SIN3A: variants seen among roughly 807,000 people sequenced by gnomAD.
The protein encoded by SIN3A is SIN3 transcription regulator family member A, also known as paired amphipathic helix protein Sin3a.
A neutral mutation model predicts 146.1 loss-of-function variants in SIN3A; 14 were observed. That is an observed-to-expected ratio of 0.10 (90% CI 0.06 to 0.15). The LOEUF (loss-of-function observed/expected upper bound fraction) is 0.15, where lower values mean the gene tolerates loss of function less well. SIN3A is among the 10% of genes least tolerant of loss of function. SIN3A has a pLI of 1.00. For synonymous variants in SIN3A, 572 were observed against 572.0 expected (o/e 1.00, Z 0.00); for missense variants, 1,028 against 1,576.0 (o/e 0.65, Z 5.89).
chr15:75,413,143 C>CAAA, intron 4 of SIN3A, 98 bp from the exon 5 acceptor site: 30 of 1,227,480 alleles, frequency 2.4e-5, no homozygotes, highest in Non-Finnish European at 3.3e-5. Context: ...GACGGAGTCT[C>CAAA]ACTCTGTTGC....
intron 15 of SIN3A, among the ~76,000 whole-genome samples, chr15:75,391,144 A>C (rs1016985422): frequency 6.6e-6 from 1 of 152,238 alleles, no homozygotes; most frequent in Admixed American, 6.5e-5. Context: ...GGTATAGGCT[A>C]TAGACTCCAA....
chr15:75,414,354 C>G, intron 3 of SIN3A, 43 bp from the exon 4 acceptor site: 1 of 1,078,708 alleles, frequency 9.3e-7, no homozygotes, highest in Non-Finnish European at 1.3e-6. Flanking sequence ...AGAAAGTAAG[C>G]TCATAATTAC....
At chr15:75,452,525 A>G (rs751331959), upstream of SIN3A, among the ~76,000 whole-genome samples, 11 of 152,244 alleles carry the variant, frequency 7.2e-5, no homozygotes, top group Non-Finnish European at 1.6e-4. Context: ...AAACACAAAT[A>G]TCCGGAGCAG....
intron 20 of SIN3A, 45 bp downstream of exon 20, chr15:75,375,620 C>T (rs1232396225): frequency 1.3e-6 from 2 of 1,495,548 alleles, no homozygotes; most frequent in Non-Finnish European, 1.9e-6. Flanking sequence ...CTGGTCCTAG[C>T]TAGGGTGGGA....
At position 75,392,441 on chromosome 15, in the gene SIN3A, G is replaced by A. The variant is rs762700729; in HGVS notation, c.2652C>T (p.Asn884=). The A allele has an allele frequency of 5.0e-6, 8 of 1,614,054 alleles. No homozygotes were observed. The Admixed American group carries it at 1.2e-4, about 24-fold the overall frequency. ...QKLRGMDEVY[N]LFYVNNNWYI... The stretch of plus-strand genomic sequence containing the variant: ...ACCAGTTGTTGTTGACATAGAAGAG[G>A]TTGTATACTTCATCCATTCCTCTTA... Residue 884 remains asparagine (N), a synonymous_variant, in exon 15 of 21, where the codon AAC becomes AAT. Coordinates refer to ENST00000394947, the MANE Select transcript of SIN3A (RefSeq NM_001145358.2).
chr15:75,447,197 T>C (rs1005415266), intron 1 of SIN3A, among the ~76,000 whole-genome samples: 1 of 152,232 alleles, frequency 6.6e-6, no homozygotes, highest in African/African-American at 2.4e-5. Context: ...GGTTGCTATG[T>C]TGAGAACACA....
At position 75,413,642 on chromosome 15, in the gene SIN3A, C is replaced by G. The variant is rs538004773; in HGVS notation, c.473+563G>C. 4.0e-5 allele frequency among the ~76,000 whole-genome samples: 6 copies of G among 151,494 alleles called. No homozygotes were observed. The South Asian group carries it at 1.0e-3, about 26-fold the overall frequency. On this transcript the variant is annotated intron_variant, in intron 4 of 20. Coordinates refer to ENST00000394947, the MANE Select transcript of SIN3A (RefSeq NM_001145358.2). ...CACTGCAGCCTCCGCCTCCTGGGTTCAAGCAATTCTCCTGCCTCAGCCTCC... is the reference window on the plus strand; with the variant it reads ...CACTGCAGCCTCCGCCTCCTGGGTTGAAGCAATTCTCCTGCCTCAGCCTCC...
At chr15:75,403,489 T>C (rs963372827) in intron 9 of SIN3A, among the ~76,000 whole-genome samples, 1 of 151,678 alleles carries the variant, frequency 6.6e-6, no homozygotes, top group African/African-American at 2.4e-5. Flanking sequence ...TACCTTCTCA[T>C]ATGCTTGATT....
At chr15:75,375,582 AAAACAATCAG>A in intron 20 of SIN3A, 73 bp downstream of exon 20, 1 of 1,107,604 alleles carries the variant, frequency 9.0e-7, no homozygotes, top group Non-Finnish European at 1.4e-6. Flanking sequence ...TAAACAAAGA[AAAACAATCAG>A]AAGACTCTGG....
chr15:75,452,022 C>T (rs1166759783), upstream of SIN3A, among the ~76,000 whole-genome samples: 1 of 152,216 alleles, frequency 6.6e-6, no homozygotes, highest in East Asian at 1.9e-4. Context: ...CCTGCAGCGT[C>T]TCAGCCACAG....
intron 1 of SIN3A, among the ~76,000 whole-genome samples, chr15:75,437,590 A>G (rs148325269): frequency 6.6e-6 from 1 of 152,334 alleles, no homozygotes; most frequent in Non-Finnish European, 1.5e-5. Context: ...TCTAAAGTAG[A>G]AACATTGGAC....
At chr15:75,415,475 T>C (rs150526167) in intron 3 of SIN3A, 316 of 200,922 alleles carry the variant, frequency 1.6e-3, no homozygotes, top group African/African-American at 7.0e-3. Flanking sequence ...CTAAAGGAGA[T>C]AGAGCCAAGG....
At chr15:75,372,774 C>T (rs541346789) in intron 20 of SIN3A, among the ~76,000 whole-genome samples, 1 of 148,232 alleles carries the variant, frequency 6.7e-6, no homozygotes, top group Non-Finnish European at 1.5e-5. Flanking sequence ...GAGCCAAGAT[C>T]GCACCACCGC....
chr15:75,412,061 T>A (rs1024818757), intron 5 of SIN3A, among the ~76,000 whole-genome samples: 1 of 152,234 alleles, frequency 6.6e-6, no homozygotes, highest in Non-Finnish European at 1.5e-5. Context: ...AAAAATCTCA[T>A]TCTACATAGC....
chr15:75,440,113 T>G (rs977145355), intron 1 of SIN3A, among the ~76,000 whole-genome samples: 4 of 151,406 alleles, frequency 2.6e-5, no homozygotes, highest in African/African-American at 9.7e-5. Context: ...ATCACGCCAA[T>G]GCACTCCAGC....
chr15:75,430,269 G>T lies in SIN3A; in HGVS notation c.107C>A (p.Pro36His). 6.2e-7 allele frequency: 1 copy of T among 1,614,136 alleles called. No individual in the cohort carries two copies. The part of the protein sequence containing the change: ...AFPHQHRVLA[P>H]APPVYEAVSE... ...CACTGCTTCATACACAGGAGGGGCA[G>T]GGGCAAGCACCCGGTGCTGGTGAGG... Residue 36 changes from proline (P) to histidine (H), a missense_variant, in exon 2 of 21, where the codon CCT becomes CAT. Physicochemically the swap from Pro to His is moderately conservative, Grantham distance 77 (BLOSUM62 -2). Transcript: ENST00000394947.
At chr15:75,441,516 ACTC>A (rs2074211472) in intron 1 of SIN3A, among the ~76,000 whole-genome samples, 1 of 151,620 alleles carries the variant, frequency 6.6e-6, no homozygotes. Context: ...CCGGTCTTGA[ACTC>A]CTGGCCACAA....
intron 12 of SIN3A, among the ~76,000 whole-genome samples, chr15:75,398,915 T>C (rs1306080244): frequency 6.6e-6 from 1 of 151,842 alleles, no homozygotes; most frequent in Non-Finnish European, 1.5e-5. Flanking sequence ...AAATACCTAA[T>C]GCATGTGGGG....
chr15:75,392,157 A>T, intron 15 of SIN3A, 85 bp downstream of exon 15: 1 of 1,184,356 alleles, frequency 8.4e-7, no homozygotes, highest in Non-Finnish European at 1.2e-6. Flanking sequence ...GTGCTCTATT[A>T]ATAAAAGAAG....
Sources: allele counts gnomAD v4.1 joint callset (sites outside exome capture counted in the v4.1 genomes callset), GRCh38; gene constraint gnomAD v4.1.1; transcripts MANE v1.5; gene names NCBI Gene and HGNC (gene_info 2026-07-23, HGNC 2026-07-21).